Variants in ATP2C1 observed in about 807,000 individuals in gnomAD.
ATP2C1 encodes the protein ATPase secretory pathway Ca2+ transporting 1, also known as calcium-transporting ATPase type 2C member 1.
A neutral mutation model predicts 120.5 loss-of-function variants in ATP2C1; 31 were observed. That is an observed-to-expected ratio of 0.26 (90% confidence interval 0.19 to 0.35). The LOEUF (loss-of-function observed/expected upper bound fraction) is 0.35, where lower values mean the gene tolerates loss of function less well. ATP2C1 is among the 10% of genes least tolerant of loss of function. The pLI is 1.00. For synonymous variants in ATP2C1, 351 were observed against 358.7 expected, an observed-to-expected ratio of 0.98 and a Z score of 0.24; for missense variants, 731 against 1,107.5, an observed-to-expected ratio of 0.66 and a Z score of 4.83.
chr3:130,993,859 G>A, intron 21 of ATP2C1, 73 bp from the exon 22 acceptor site: 1 of 1,491,022 alleles, frequency 6.7e-7, no homozygotes, highest in Non-Finnish European at 9.3e-7. Flanking sequence ...GGGAGGATTT[G>A]TTTATCGCTT....
At chr3:130,965,921 G>GAATC (rs2061029086) in intron 14 of ATP2C1, among the ~76,000 whole-genome samples, 1 of 152,014 alleles carries the variant, frequency 6.6e-6, no homozygotes, top group Non-Finnish European at 1.5e-5. Context: ...ATGAATGAAT[G>GAATC]AATCACTTTA....
intron 4 of ATP2C1, among the ~76,000 whole-genome samples, chr3:130,934,280 C>T (rs1355643185): frequency 6.6e-6 from 1 of 152,154 alleles, no homozygotes; most frequent in African/African-American, 2.4e-5. Context: ...GCTTAAAAAT[C>T]ATCTTCTCCT....
At chr3:130,896,926 T>C (rs563341652) in intron 2 of ATP2C1, among the ~76,000 whole-genome samples, 1 of 152,328 alleles carries the variant, frequency 6.6e-6, no homozygotes, top group South Asian at 2.1e-4. Flanking sequence ...CCATTTGGCT[T>C]TGTGCATATT....
At chr3:130,895,119 G>A (rs1440900011) in intron 2 of ATP2C1, among the ~76,000 whole-genome samples, 1 of 152,182 alleles carries the variant, frequency 6.6e-6, no homozygotes, top group African/African-American at 2.4e-5. Context: ...AAGTGGAAAT[G>A]GGGGACAAGG....
intron 7 of ATP2C1, among the ~76,000 whole-genome samples, chr3:130,941,244 G>C (rs1179659733): frequency 6.7e-6 from 1 of 149,088 alleles, no homozygotes; most frequent in African/African-American, 2.5e-5. Flanking sequence ...GTGTGTGTGT[G>C]TGTGTGTGTG....
intron 2 of ATP2C1, among the ~76,000 whole-genome samples, chr3:130,896,533 T>C (rs1321471414): frequency 1.3e-5 from 2 of 152,192 alleles, no homozygotes; most frequent in African/African-American, 4.8e-5. Context: ...CCTAGAAATT[T>C]TCAAAAGTGA....
At chr3:130,883,566 C>G (rs533035035) in intron 1 of ATP2C1, among the ~76,000 whole-genome samples, 1 of 152,064 alleles carries the variant, frequency 6.6e-6, no homozygotes. Flanking sequence ...ATTCTTCTGC[C>G]TCAGCCTCCC....
intron 7 of ATP2C1, 144 bp downstream of exon 7, chr3:130,940,835 T>A: frequency 1.4e-6 from 1 of 694,218 alleles, no homozygotes; most frequent in Non-Finnish European, 2.5e-6. Context: ...CTGGTCTCAT[T>A]AATGTAGCAA....
Position 130,941,676 on chromosome 3 carries a change from C to G in ATP2C1, c.508C>G (p.Pro170Ala), listed in dbSNP as rs931633970. 1.2e-6 allele frequency: 2 copies of G among 1,613,656 alleles called. No homozygotes were observed. Among genetic ancestry groups the G allele is most frequent in the Non-Finnish European group, 1.7e-6 (2 of 1,179,906 alleles). Residue 170 changes from proline (P) to alanine (A), a missense_variant, in exon 8 of 28, where the codon CCT (proline) becomes GCT (alanine). Pro to Ala is a conservative substitution (Grantham distance 27). Transcript: ENST00000510168. ...TTGCCTTTCTGTTGGGGATAGAGTTCCTGCTGACTTACGCTTGTTTGAGGT... is the reference window on the plus strand; with the variant it reads ...TTGCCTTTCTGTTGGGGATAGAGTTGCTGCTGACTTACGCTTGTTTGAGGT... ...TVCLSVGDRVPADLRLFEAVD... is the reference protein window; with the variant it reads ...TVCLSVGDRVAADLRLFEAVD...
At chr3:130,933,004 T>C (rs2059513803) in intron 4 of ATP2C1, among the ~76,000 whole-genome samples, 1 of 152,230 alleles carries the variant, frequency 6.6e-6, no homozygotes, top group Non-Finnish European at 1.5e-5. Context: ...TATGTGTCTT[T>C]GTATTTTCAT....
intron 1 of ATP2C1, chr3:130,868,023 C>T (rs376719302): frequency 0.013 from 2,041 of 159,092 alleles, 6 homozygotes; most frequent in East Asian, 0.067. Flanking sequence ...GGCAACCGCC[C>T]CGTCTGAGAA....
chr3:130,945,078 A>G (rs2060084801), intron 8 of ATP2C1, among the ~76,000 whole-genome samples: 1 of 152,140 alleles, frequency 6.6e-6, no homozygotes, highest in Non-Finnish European at 1.5e-5. Context: ...ATCCACTGCT[A>G]CAGAGGGAGG....
intron 20 of ATP2C1, among the ~76,000 whole-genome samples, chr3:130,981,340 C>T (rs186975576): frequency 7.2e-5 from 11 of 152,228 alleles, no homozygotes; most frequent in African/African-American, 2.6e-4. Context: ...TAGCATAATG[C>T]ATTTGACATT....
chr3:130,882,569 T>C (rs1253734460), intron 1 of ATP2C1, among the ~76,000 whole-genome samples: 1 of 152,208 alleles, frequency 6.6e-6, no homozygotes, highest in Non-Finnish European at 1.5e-5. Flanking sequence ...CATGAACAGA[T>C]GTTAAATTTT....
intron 2 of ATP2C1, among the ~76,000 whole-genome samples, chr3:130,905,079 A>C (rs1270984521): frequency 1.3e-5 from 2 of 151,812 alleles, no homozygotes; most frequent in Admixed American, 6.6e-5. Context: ...TCCTGCTTGC[A>C]CCAGCCATGG....
intron 10 of ATP2C1, chr3:130,955,832 T>C (rs539145618): frequency 4.4e-5 from 15 of 340,864 alleles, no homozygotes; most frequent in South Asian, 4.3e-4. Flanking sequence ...GAGAACAGAT[T>C]TTTCCTCAAA....
At chr3:131,005,491 G>A (rs1013799240), downstream of ATP2C1, among the ~76,000 whole-genome samples, 5 of 152,178 alleles carry the variant, frequency 3.3e-5, no homozygotes, top group African/African-American at 9.7e-5. Context: ...ATACTAGTCT[G>A]TGGCCTTTGG....
At chr3:130,969,897 C>G (rs1559990573) in intron 17 of ATP2C1, among the ~76,000 whole-genome samples, 1 of 152,220 alleles carries the variant, frequency 6.6e-6, no homozygotes, top group East Asian at 1.9e-4. Context: ...AAGCCGCCAC[C>G]TTGTTCCTGG....
upstream of ATP2C1, among the ~76,000 whole-genome samples, chr3:130,890,523 A>T (rs2069134672): frequency 6.6e-6 from 1 of 152,264 alleles, no homozygotes; most frequent in African/African-American, 2.4e-5. Context: ...CAGTTTCATC[A>T]AATATTTCAT....
Sources: gnomAD v4.1 joint callset for allele counts (sites outside exome capture counted in the v4.1 genomes callset) on GRCh38, gnomAD v4.1.1 for gene constraint, MANE v1.5 for transcripts, NCBI Gene and HGNC (gene_info 2026-07-23, HGNC 2026-07-21) for gene names.